The following HABP4 variants were observed in gnomAD, a reference collection of about 807,000 sequenced individuals.
HABP4 encodes the protein hyaluronan binding protein 4.
HABP4 carries 32 observed loss-of-function variants against 44.1 expected under a neutral mutation model. The observed-to-expected ratio is 0.73, with a 90% CI of 0.55 to 0.97. The LOEUF (loss-of-function observed/expected upper bound fraction) is 0.97, where lower values mean the gene tolerates loss of function less well. Among genes scored for constraint, HABP4 ranks in the 50% least tolerant of loss-of-function variants. The pLI, the probability that HABP4 is intolerant of heterozygous loss-of-function variation, is 0.00. For missense variants in HABP4, 503 were observed against 561.9 expected (o/e 0.90, Z 1.06); for synonymous variants, 216 against 218.0 (o/e 0.99, Z 0.08).
rs1050015621 is a variant in HABP4 at position 96,490,798 on chromosome 9, A to G, written c.*760A>G. On this transcript the variant is annotated 3_prime_UTR_variant, in exon 8 of 8. Transcript: ENST00000375249. ...GAAAGGGATCATGGCAAAAGCAAAT[A>G]CCGCATCCTTTTCTTCCGCAGAACT... 1 of 152,248 alleles carries G rather than the reference A, an allele frequency of 6.6e-6. No homozygotes were observed. Among genetic ancestry groups the G allele is most frequent in the Non-Finnish European group, 1.5e-5 (1 of 68,044 alleles). The allele number at this position is 152,248 out of a possible 1,614,324, so 9.4% of individuals were successfully genotyped here.
chr9:96,486,256 G>A (rs1489903939), intron 6 of HABP4, among the ~76,000 whole-genome samples: 2 of 152,174 alleles, frequency 1.3e-5, no homozygotes, highest in East Asian at 3.9e-4. Context: ...AGTCCAAGCT[G>A]TAGGAGGCCT....
intron 2 of HABP4, among the ~76,000 whole-genome samples, chr9:96,459,767 C>T (rs1587674104): frequency 6.6e-6 from 1 of 152,072 alleles, no homozygotes; most frequent in African/African-American, 2.4e-5. Flanking sequence ...AACAAAAGTC[C>T]AGCAGAGAGT....
intron 6 of HABP4, among the ~76,000 whole-genome samples, 187 bp from the exon 7 acceptor site, chr9:96,487,896 TAGAATC>T (rs1833002568): frequency 6.6e-6 from 1 of 152,190 alleles, no homozygotes; most frequent in Non-Finnish European, 1.5e-5. Context: ...CTCACTGTCT[TAGAATC>T]AGAACAGCAG....
intron 2 of HABP4, among the ~76,000 whole-genome samples, chr9:96,464,915 A>G (rs1474880551): frequency 2.6e-5 from 4 of 152,182 alleles, no homozygotes; most frequent in East Asian, 1.9e-4. Flanking sequence ...AAGATTTGGT[A>G]TTAGAACAGG....
chr9:96,482,169 A>C (rs1179234042), intron 5 of HABP4, among the ~76,000 whole-genome samples: 1 of 151,994 alleles, frequency 6.6e-6, no homozygotes, highest in Non-Finnish European at 1.5e-5. Context: ...CGAACTCCTG[A>C]CCTCATGATC....
rs747309241 is a variant in HABP4, at chr9:96,488,264, C to G, written c.1175C>G (p.Ala392Gly). The G allele has an allele frequency of 2.5e-6, 4 of 1,610,832 alleles. No homozygotes were observed. The East Asian group carries it at 8.9e-5, about 36-fold the overall frequency. Residue 392 changes from alanine (A) to glycine (G), a missense_variant, in exon 7 of 8, where the codon GCA becomes GGA. Around this residue, in one of 3 missense-constraint regions of HABP4, gnomAD observed 82 missense variants for 71.6 expected, o/e 1.15. Coordinates refer to ENST00000375249, the MANE Select transcript of HABP4 (RefSeq NM_014282.4). The surrounding 1 kb of genome is among the most constrained non-coding windows in gnomAD (Gnocchi z 4.6). ...AGGGCAGAGAACTATGGACCCAGAG[C>G]AGAAGTGGTGGTAGGTGTCTGTATT... ...IRRAENYGPR[A>G]EVVMQDVAPN...
chr9:96,486,814 G>T (rs1421404633), intron 6 of HABP4, among the ~76,000 whole-genome samples: 1 of 151,974 alleles, frequency 6.6e-6, no homozygotes, highest in Non-Finnish European at 1.5e-5. Flanking sequence ...AAGCACTTGG[G>T]CCAGGGCCAG....
intron 2 of HABP4, among the ~76,000 whole-genome samples, chr9:96,464,870 A>G (rs1156557024): frequency 6.6e-6 from 1 of 152,192 alleles, no homozygotes; most frequent in Non-Finnish European, 1.5e-5. Context: ...AAGTTTAACC[A>G]TTTTTCTTAC....
chr9:96,478,825 C>G (rs561368058), intron 5 of HABP4, among the ~76,000 whole-genome samples: 47 of 151,914 alleles, frequency 3.1e-4, no homozygotes, highest in Non-Finnish European at 7.4e-5. Context: ...GAGATGGGGT[C>G]TCGTTTTGGT....
chr9:96,451,022 C>T, intron 1 of HABP4, among the ~76,000 whole-genome samples: 1 of 152,004 alleles, frequency 6.6e-6, no homozygotes, highest in East Asian at 1.9e-4. Flanking sequence ...AGGTCGGAGC[C>T]ACCCGAGAGC....
At chr9:96,486,010 T>C (rs1431278719) in intron 6 of HABP4, among the ~76,000 whole-genome samples, 1 of 152,068 alleles carries the variant, frequency 6.6e-6, no homozygotes, top group African/African-American at 2.4e-5. Context: ...CTAGCCAACA[T>C]AGTGAAACCC....
intron 1 of HABP4, among the ~76,000 whole-genome samples, chr9:96,452,911 G>GTTTTTT (rs71368266): frequency 1.6e-5 from 1 of 63,184 alleles, no homozygotes; most frequent in Non-Finnish European, 2.8e-5. Flanking sequence ...ATGGAAAAGG[G>GTTTTTT]TTTTTTTTTT....
chr9:96,469,757 G>A (rs928429121), intron 4 of HABP4, among the ~76,000 whole-genome samples: 5 of 151,980 alleles, frequency 3.3e-5, no homozygotes, highest in African/African-American at 7.3e-5. Flanking sequence ...TCCTGACCTC[G>A]TGATCCTTCT....
chr9:96,475,542 G>A (rs537984740), intron 5 of HABP4, among the ~76,000 whole-genome samples: 8 of 152,334 alleles, frequency 5.3e-5, no homozygotes, highest in Non-Finnish European at 7.3e-5. Context: ...CTGGGACAGA[G>A]GTTCAATACC....
At chr9:96,476,910 G>C (rs1832794174) in intron 5 of HABP4, among the ~76,000 whole-genome samples, 1 of 152,264 alleles carries the variant, frequency 6.6e-6, no homozygotes, top group African/African-American at 2.4e-5. Flanking sequence ...ATTCTTGAAT[G>C]AGGTGCATTC....
At chr9:96,458,345 G>A (rs1195480347) in intron 1 of HABP4, 34 bp from the exon 2 acceptor site, 1 of 1,605,418 alleles carries the variant, frequency 6.2e-7, no homozygotes, top group East Asian at 2.2e-5. Context: ...CAGATGTTGT[G>A]TTCCAGCTCT....
At chr9:96,480,664 CT>C (rs1832860891) in intron 5 of HABP4, among the ~76,000 whole-genome samples, 1 of 152,146 alleles carries the variant, frequency 6.6e-6, no homozygotes, top group Non-Finnish European at 1.5e-5. Flanking sequence ...ACACTTCCCC[CT>C]AAATAGTTCA....
At chr9:96,451,088 G>GA (rs1832267390) in intron 1 of HABP4, among the ~76,000 whole-genome samples, 1 of 152,084 alleles carries the variant, frequency 6.6e-6, no homozygotes, top group Non-Finnish European at 1.5e-5. Flanking sequence ...TGTGATGCCG[G>GA]AGGCCTGGGC....
intron 6 of HABP4, among the ~76,000 whole-genome samples, 156 bp from the exon 7 acceptor site, chr9:96,487,933 C>A (rs998046052): frequency 6.6e-6 from 1 of 152,206 alleles, no homozygotes; most frequent in Non-Finnish European, 1.5e-5. Context: ...CTTTGTCCAG[C>A]TCTGCAGCCC....
Sources: allele counts gnomAD v4.1 joint callset (sites outside exome capture counted in the v4.1 genomes callset), GRCh38; gene constraint gnomAD v4.1.1; regional missense constraint gnomAD v4.1.1; non-coding constraint Gnocchi (gnomAD v3.1); transcripts MANE v1.5; gene names NCBI Gene and HGNC (gene_info 2026-07-23, HGNC 2026-07-21).